The following TENM4 variants were observed in gnomAD, a reference collection of about 807,000 sequenced individuals.
The protein encoded by TENM4 is teneurin transmembrane protein 4.
TENM4 carries 82 observed loss-of-function variants against 243.3 expected under a neutral mutation model. That is an observed-to-expected ratio of 0.34 (90% confidence interval 0.28 to 0.40). The LOEUF (loss-of-function observed/expected upper bound fraction) is 0.40, where lower values mean the gene tolerates loss of function less well. TENM4 is among the 10% of genes least tolerant of loss of function. The pLI is 1.00. For missense variants in TENM4, 3,138 were observed against 3,673.3 expected (o/e 0.85, Z 3.77); for synonymous variants, 1,412 against 1,456.3 (o/e 0.97, Z 0.69).
At chr11:79,309,166 A>C (rs1333817867) in intron 1 of TENM4, among the ~76,000 whole-genome samples, 1 of 152,230 alleles carries the variant, frequency 6.6e-6, no homozygotes, top group Admixed American at 6.5e-5. Context: ...AGATGGTGGA[A>C]GTCCACATGT....
Position 78,670,394 on chromosome 11 carries a change from C to A in TENM4, c.5951G>T (p.Gly1984Val), listed in dbSNP as rs1194550346. The A allele has an allele frequency of 5.6e-6, 9 of 1,613,954 alleles. No homozygotes were observed. The South Asian group carries it at 9.9e-5, about 18-fold the overall frequency. ...YYRNIYQPPEGNASVIQDFTE... is the reference protein window; with the variant it reads ...YYRNIYQPPEVNASVIQDFTE... Reference sequence around the variant, plus strand: ...GAAGTCCTGTATGACTGAGGCATTGCCCTCAGGGGGCTGATAGATGTTTCT... The same window carrying A: ...GAAGTCCTGTATGACTGAGGCATTGACCTCAGGGGGCTGATAGATGTTTCT... Residue 1984 changes from glycine (G) to valine (V), a missense_variant, in exon 32 of 34, where the codon GGC (glycine) becomes GTC (valine). By Grantham distance (109) the Gly-to-Val change is moderately radical (BLOSUM62 -3). Around this residue, in one of 2 missense-constraint regions of TENM4, gnomAD observed 2,467 missense variants for 3,059.1 expected, o/e 0.81. Coordinates refer to ENST00000278550, the MANE Select transcript of TENM4 (RefSeq NM_001098816.3).
At chr11:78,868,616 T>C (rs373432309) in intron 9 of TENM4, among the ~76,000 whole-genome samples, 3 of 152,298 alleles carry the variant, frequency 2.0e-5, no homozygotes, top group South Asian at 4.1e-4. Context: ...GCTCCATAGA[T>C]GTTCAGACAT....
chr11:78,820,244 A>G (rs567615532), intron 12 of TENM4, among the ~76,000 whole-genome samples: 101 of 152,370 alleles, frequency 6.6e-4, no homozygotes, highest in Non-Finnish European at 1.4e-3. Context: ...AAGAATTATG[A>G]GACATAGGTA....
At chr11:78,693,877 G>A (rs534530307) in intron 28 of TENM4, among the ~76,000 whole-genome samples, 9 of 152,196 alleles carry the variant, frequency 5.9e-5, no homozygotes, top group Non-Finnish European at 1.3e-4. Flanking sequence ...AGCTACGCAC[G>A]GTGGCTGGGT....
intron 6 of TENM4, among the ~76,000 whole-genome samples, chr11:78,909,272 G>A (rs1856129112): frequency 6.6e-6 from 1 of 152,138 alleles, no homozygotes; most frequent in Non-Finnish European, 1.5e-5. Flanking sequence ...GCATACATTA[G>A]TTAACATTTA....
chr11:79,237,462 A>G (rs1864498376), intron 2 of TENM4, among the ~76,000 whole-genome samples: 1 of 152,220 alleles, frequency 6.6e-6, no homozygotes, highest in African/African-American at 2.4e-5. Context: ...GGATCACCTG[A>G]GTTCAGGAGT....
At chr11:79,106,142 A>G (rs1311539712) in intron 4 of TENM4, among the ~76,000 whole-genome samples, 1 of 152,230 alleles carries the variant, frequency 6.6e-6, no homozygotes, top group Non-Finnish European at 1.5e-5. Context: ...AGGAAACTGA[A>G]GCCCAGAAAG....
At chr11:79,102,322 C>T (rs762969636) in intron 4 of TENM4, among the ~76,000 whole-genome samples, 3 of 152,222 alleles carry the variant, frequency 2.0e-5, no homozygotes, top group Non-Finnish European at 2.9e-5. Context: ...GAAGGTCGCA[C>T]AGTGCTCATC....
chr11:78,969,662 A>C (rs1191974371), intron 6 of TENM4, among the ~76,000 whole-genome samples: 1 of 152,246 alleles, frequency 6.6e-6, no homozygotes, highest in South Asian at 2.1e-4. Context: ...CTATGGTAGG[A>C]AAATTCATGT....
chr11:78,715,751 T>C (rs1478446971), intron 25 of TENM4, among the ~76,000 whole-genome samples: 1 of 152,220 alleles, frequency 6.6e-6, no homozygotes, highest in Non-Finnish European at 1.5e-5. Context: ...GCTCACAGGC[T>C]TGTCGTTGGG....
intron 2 of TENM4, among the ~76,000 whole-genome samples, chr11:79,259,479 GTCCATCCATCCATCTATCCATGCATCCA>G (rs1278178824): frequency 6.6e-6 from 1 of 151,578 alleles, no homozygotes; most frequent in African/African-American, 2.4e-5. Context: ...CCAGCCATCT[GTCCATCCATCCATCTATCCATGCATCCA>G]TCCATCCATC....
intron 4 of TENM4, among the ~76,000 whole-genome samples, chr11:79,113,942 A>G (rs1861565040): frequency 6.6e-6 from 1 of 152,214 alleles, no homozygotes; most frequent in Admixed American, 6.5e-5. Context: ...ACTCTTTCCC[A>G]TGAGTTAAGG....
intron 4 of TENM4, among the ~76,000 whole-genome samples, chr11:79,095,385 T>G (rs1020305853): frequency 2.0e-5 from 3 of 152,184 alleles, no homozygotes; most frequent in Non-Finnish European, 4.4e-5. Flanking sequence ...TAGCGAGTCT[T>G]TCTCTACCAA....
chr11:79,063,524 T>C (rs1181185498), intron 6 of TENM4, among the ~76,000 whole-genome samples: 2 of 152,198 alleles, frequency 1.3e-5, no homozygotes, highest in Non-Finnish European at 2.9e-5. Flanking sequence ...GTGCTGGGGC[T>C]GTTCCTGGGC....
chr11:79,263,670 G>C (rs1190618454), intron 2 of TENM4, among the ~76,000 whole-genome samples: 1 of 152,144 alleles, frequency 6.6e-6, no homozygotes, highest in Admixed American at 6.5e-5. Flanking sequence ...TAAATGTCCA[G>C]GTAGCCAATG....
intron 9 of TENM4, among the ~76,000 whole-genome samples, chr11:78,879,179 C>T (rs1223941470): frequency 1.3e-5 from 2 of 148,458 alleles, no homozygotes; most frequent in Non-Finnish European, 3.0e-5. Flanking sequence ...GTGAGGAGCG[C>T]CTCTGCCCAG....
chr11:78,727,094 G>A (rs1855528752), intron 22 of TENM4, among the ~76,000 whole-genome samples: 2 of 152,178 alleles, frequency 1.3e-5, no homozygotes, highest in African/African-American at 2.4e-5. Context: ...TGGTGACCTG[G>A]GAAATGCTTA....
chr11:78,968,223 C>G (rs1857475429), intron 6 of TENM4, among the ~76,000 whole-genome samples: 1 of 152,184 alleles, frequency 6.6e-6, no homozygotes, highest in South Asian at 2.1e-4. Context: ...TGGGGCCTCA[C>G]CAGAAGCAGA....
At chr11:78,868,023 T>C (rs1239347811) in intron 9 of TENM4, among the ~76,000 whole-genome samples, 1 of 149,602 alleles carries the variant, frequency 6.7e-6, no homozygotes, top group African/African-American at 2.5e-5. Context: ...TAAAGCTGTG[T>C]ATAGCAGCTG....
Sources: allele counts gnomAD v4.1 joint callset (sites outside exome capture counted in the v4.1 genomes callset), GRCh38; gene constraint gnomAD v4.1.1; regional missense constraint gnomAD v4.1.1; transcripts MANE v1.5; gene names NCBI Gene and HGNC (gene_info 2026-07-23, HGNC 2026-07-21).